The following BAZ2B variants were observed in gnomAD, a reference collection of about 807,000 sequenced individuals.
BAZ2B encodes bromodomain adjacent to zinc finger domain protein 2B.
BAZ2B carries 91 observed loss-of-function variants against 246.0 expected under a neutral mutation model. That is an observed-to-expected ratio of 0.37 (90% CI 0.31 to 0.44). BAZ2B has a LOEUF of 0.44. Among genes scored for constraint, BAZ2B ranks in the 20% least tolerant of loss-of-function variants. The pLI, the probability that BAZ2B is intolerant of heterozygous loss-of-function variation, is 1.00. For synonymous variants in BAZ2B, 855 were observed against 860.0 expected, an observed-to-expected ratio of 0.99 and a Z score of 0.10; for missense variants, 2,332 against 2,533.7, an observed-to-expected ratio of 0.92 and a Z score of 1.71.
At chr2:159,542,843 A>C (rs1239200612) in intron 2 of BAZ2B, among the ~76,000 whole-genome samples, 7 of 152,192 alleles carry the variant, frequency 4.6e-5, no homozygotes, top group South Asian at 4.1e-4. Flanking sequence ...CTTCCCAGGA[A>C]AATGAAATAA....
Position 159,336,998 on chromosome 2 carries a change from G to T in BAZ2B, c.5740C>A (p.Leu1914Met), listed in dbSNP as rs2065791032. 1 of 1,611,910 alleles carries T rather than the reference G, an allele frequency of 6.2e-7. No individual in the cohort carries two copies. Among genetic ancestry groups the T allele is most frequent in the Non-Finnish European group, 8.5e-7 (1 of 1,178,114 alleles). Residue 1914 changes from leucine to methionine, a missense_variant, in exon 33 of 37, where the codon CTG (leucine) becomes ATG (methionine). By Grantham distance (15) the Leu-to-Met change is conservative. Coordinates refer to ENST00000392783, the MANE Select transcript of BAZ2B (RefSeq NM_013450.4). ...SEARSAAQVA[L>M]CIQQLQKSIA... is the part of the protein sequence containing the mutation. ...GATTTCTGTAATTGCTGAATGCACA[G>T]AGCTACCTGTGCAGCACTGCGAGCT... is the stretch of plus-strand genomic sequence containing the variant.
At chr2:159,595,151 G>A (rs553688608) in intron 1 of BAZ2B, among the ~76,000 whole-genome samples, 6 of 151,296 alleles carry the variant, frequency 4.0e-5, no homozygotes, top group African/African-American at 1.5e-4. Flanking sequence ...TGCCCAGGCT[G>A]GAGTGCAATG....
chr2:159,696,167 C>A, the BAZ2B span, among the ~76,000 whole-genome samples: 16 of 152,184 alleles, frequency 1.1e-4, 1 homozygote, highest in Admixed American at 8.5e-4. Context: ...TATTTTCTTT[C>A]AAAATTGTTT....
At chr2:159,478,023 T>C (rs1307752105) in intron 3 of BAZ2B, among the ~76,000 whole-genome samples, 1 of 152,198 alleles carries the variant, frequency 6.6e-6, no homozygotes, top group Non-Finnish European at 1.5e-5. Context: ...GGTTTCCCCA[T>C]GTTAGTCAGG....
chr2:159,613,018 C>T (rs369168416), intron 1 of BAZ2B, among the ~76,000 whole-genome samples: 18 of 151,948 alleles, frequency 1.2e-4, no homozygotes, highest in African/African-American at 3.1e-4. Context: ...AAGCTATTCC[C>T]AATTTTTTGA....
At chr2:159,437,208 C>A (rs952530095) in intron 8 of BAZ2B, among the ~76,000 whole-genome samples, 2 of 152,080 alleles carry the variant, frequency 1.3e-5, no homozygotes, top group Non-Finnish European at 2.9e-5. Context: ...CTACTCTAGG[C>A]TGATTCTAGA....
At chr2:159,628,906 T>C in the BAZ2B span, among the ~76,000 whole-genome samples, 5 of 152,302 alleles carry the variant, frequency 3.3e-5, no homozygotes, top group African/African-American at 1.2e-4. Flanking sequence ...GAGAAAATTT[T>C]TGCAATCTAT....
At chr2:159,330,373 C>T (rs1259946017) in intron 34 of BAZ2B, among the ~76,000 whole-genome samples, 2 of 152,200 alleles carry the variant, frequency 1.3e-5, no homozygotes, top group Non-Finnish European at 2.9e-5. Context: ...GAAAGAAAAC[C>T]AGGAGAGTAT....
At chr2:159,462,567 T>C in intron 3 of BAZ2B, 9 of 881,624 alleles carry the variant, frequency 1.0e-5, no homozygotes, top group Non-Finnish European at 2.0e-6. Flanking sequence ...TCTATGATTT[T>C]AATAAACTCC....
At chr2:159,395,624 G>GCTAT in intron 20 of BAZ2B, 145 bp downstream of exon 20, 1 of 583,546 alleles carries the variant, frequency 1.7e-6, no homozygotes, top group South Asian at 2.7e-5. Flanking sequence ...ACACTCAGTT[G>GCTAT]CTATCTCTAA....
rs530485625 is a variant in BAZ2B at position 159,327,922 on chromosome 2, G to A, written c.5944-2004C>T. 2.1e-4 allele frequency among the ~76,000 whole-genome samples: 32 copies of A among 152,144 alleles called. No individual in the cohort carries two copies. The South Asian group carries it at 6.4e-3, about 31-fold the overall frequency. On this transcript the variant is annotated intron_variant, in intron 34 of 36. Coordinates refer to ENST00000392783, the MANE Select transcript of BAZ2B (RefSeq NM_013450.4). ...TCTACCAAAAATACAAAAATTGGCT[G>A]GGTGTGGTGGTGCACACCTGTAATC...
At chr2:159,465,858 G>A (rs1181301149) in intron 3 of BAZ2B, among the ~76,000 whole-genome samples, 2 of 151,656 alleles carry the variant, frequency 1.3e-5, no homozygotes, top group East Asian at 3.9e-4. Context: ...AGGTTGCAGT[G>A]AGCTGAGATT....
intron 1 of BAZ2B, among the ~76,000 whole-genome samples, chr2:159,564,284 A>G (rs946611797): frequency 1.3e-5 from 2 of 152,198 alleles, no homozygotes; most frequent in Non-Finnish European, 2.9e-5. Context: ...GATAGGGGGT[A>G]GGAGAGCAAG....
chr2:159,627,260 C>T, the BAZ2B span, among the ~76,000 whole-genome samples: 1 of 151,792 alleles, frequency 6.6e-6, no homozygotes, highest in African/African-American at 2.4e-5. Context: ...CAGTTGGTAC[C>T]ATTCCTTCTG....
At chr2:159,467,676 G>T (rs72947569) in intron 3 of BAZ2B, among the ~76,000 whole-genome samples, 9 of 149,974 alleles carry the variant, frequency 6.0e-5, no homozygotes, top group African/African-American at 2.0e-4. Flanking sequence ...TTTTGGGGTC[G>T]GAGACAACTG....
chr2:159,449,660 T>C (rs1410405156), intron 4 of BAZ2B, among the ~76,000 whole-genome samples: 2 of 152,190 alleles, frequency 1.3e-5, no homozygotes, highest in Non-Finnish European at 2.9e-5. Context: ...AAGGCATTAC[T>C]AGTAAAATGA....
At chr2:159,485,887 T>A (rs534967503) in intron 2 of BAZ2B, among the ~76,000 whole-genome samples, 1 of 152,128 alleles carries the variant, frequency 6.6e-6, no homozygotes, top group Non-Finnish European at 1.5e-5. Flanking sequence ...TGTACTTCTA[T>A]CTCAAAAGAC....
At chr2:159,376,290 A>G (rs1424502547) in intron 25 of BAZ2B, among the ~76,000 whole-genome samples, 2 of 152,190 alleles carry the variant, frequency 1.3e-5, no homozygotes, top group Admixed American at 1.3e-4. Flanking sequence ...GATTAAAGAA[A>G]AATAACAACT....
intron 3 of BAZ2B, among the ~76,000 whole-genome samples, chr2:159,465,817 G>A (rs2076966081): frequency 6.6e-6 from 1 of 152,014 alleles, no homozygotes; most frequent in South Asian, 2.1e-4. Context: ...GGGAGGCTGA[G>A]GTGTGAGAAT....
Sources: allele counts gnomAD v4.1 joint callset (sites outside exome capture counted in the v4.1 genomes callset), GRCh38; gene constraint gnomAD v4.1.1; transcripts MANE v1.5; gene names NCBI Gene and HGNC (gene_info 2026-07-23, HGNC 2026-07-21).